Variants in SLC39A12 observed in about 807,000 individuals in gnomAD.
SLC39A12 encodes zinc transporter ZIP12.
In SLC39A12, 63 loss-of-function variants were observed where a neutral mutation model predicts 71.1. That is an observed-to-expected ratio of 0.89 (90% CI 0.72 to 1.09). SLC39A12 has a LOEUF of 1.09. Ranked by LOEUF, SLC39A12 falls within the 50% of genes least tolerant of loss-of-function variation. The pLI is 0.00. For missense variants in SLC39A12, 892 were observed against 812.6 expected (o/e 1.10, Z -1.19); for synonymous variants, 351 against 301.3 (o/e 1.16, Z -1.71).
At chr10:18,028,262 A>G (rs4747337) in intron 12 of SLC39A12, among the ~76,000 whole-genome samples, 9,053 of 152,272 alleles carry the variant, frequency 0.059, 403 homozygotes, top group East Asian at 0.21. Context: ...TTGTTTCTAT[A>G]TTTGAATTGC....
At position 18,042,756 on chromosome 10, in the gene SLC39A12, C is replaced by T. The variant is rs1307391139; in HGVS notation, c.1999C>T (p.Leu667=). The T allele has an allele frequency of 2.5e-6, 4 of 1,613,130 alleles. No individual in the cohort carries two copies. Among genetic ancestry groups the T allele is most frequent in the Non-Finnish European group, 3.4e-6 (4 of 1,179,696 alleles). The change falls in exon 13 of 13, where the codon CTG becomes TTG. Residue 667 remains leucine (L), a synonymous_variant. Coordinates refer to ENST00000377369, the MANE Select transcript of SLC39A12 (RefSeq NM_001145195.2). ...ACAACGACCCTGGATGATGTTTCTC[C>T]TGCAAAACTTTGGATTGATCCTAGG... is the stretch of plus-strand genomic sequence containing the variant. ...QTQRPWMMFL[L]QNFGLILGWL...
At chr10:17,973,721 G>A (rs1835034018) in intron 4 of SLC39A12, among the ~76,000 whole-genome samples, 1 of 151,944 alleles carries the variant, frequency 6.6e-6, no homozygotes, top group East Asian at 1.9e-4. Flanking sequence ...GTCGTCTTTG[G>A]GTCAAATCTG....
In SLC39A12 at chr10:18,042,815, G is replaced by C. The variant is rs374741256; in HGVS notation, c.2058G>C (p.Glu686Asp). The C allele has an allele frequency of 1.1e-5, 18 of 1,606,768 alleles. No individual in the cohort carries two copies. The highest frequency in any genetic ancestry group is 1.3e-5 in the Non-Finnish European group (15 of 1,177,414). The part of the protein sequence containing the change: ...WLSLLLLAIY[E>D]QNIKI ...CTCTCCTGCTCTTGGCTATATATGA[G>C]CAAAATATTAAAATATAAGTGAGGA... The change falls in exon 13 of 13, where the codon GAG becomes GAC. Residue 686 changes from glutamate to aspartate, a missense_variant. Physicochemically the swap from Glu to Asp is conservative, Grantham distance 45. Coordinates refer to ENST00000377369, the MANE Select transcript of SLC39A12 (RefSeq NM_001145195.2).
At chr10:18,035,017 G>A (rs1446873238) in intron 12 of SLC39A12, among the ~76,000 whole-genome samples, 9 of 149,312 alleles carry the variant, frequency 6.0e-5, no homozygotes, top group African/African-American at 1.7e-4. Context: ...CGAGAGATCC[G>A]CTGTTAGTCT....
intron 7 of SLC39A12, among the ~76,000 whole-genome samples, chr10:17,990,475 C>G (rs1742416658): frequency 6.6e-6 from 1 of 152,100 alleles, no homozygotes; most frequent in Non-Finnish European, 1.5e-5. Context: ...ATTGCCTTCT[C>G]TAAGAGAAGG....
At chr10:17,984,486 G>A (rs1347775702) in intron 6 of SLC39A12, among the ~76,000 whole-genome samples, 1 of 152,156 alleles carries the variant, frequency 6.6e-6, no homozygotes, top group Non-Finnish European at 1.5e-5. Flanking sequence ...TGGGACAGCT[G>A]TAAATTTTAT....
chr10:18,034,812 T>C (rs1228900445), intron 12 of SLC39A12, among the ~76,000 whole-genome samples: 1 of 149,496 alleles, frequency 6.7e-6, no homozygotes, highest in Non-Finnish European at 1.5e-5. Context: ...TGTTTAGCGC[T>C]TCCTTCAGGA....
At chr10:18,029,627 T>C (rs1264409838) in intron 12 of SLC39A12, among the ~76,000 whole-genome samples, 1 of 152,190 alleles carries the variant, frequency 6.6e-6, no homozygotes, top group African/African-American at 2.4e-5. Context: ...TTTATGTCAT[T>C]GTTAATATAC....
At chr10:17,957,236 C>A (rs1476093542) in intron 2 of SLC39A12, among the ~76,000 whole-genome samples, 1 of 152,126 alleles carries the variant, frequency 6.6e-6, no homozygotes, top group East Asian at 1.9e-4. Context: ...GAGGCTCTCA[C>A]CTGGCATAGA....
At chr10:17,955,929 TA>T (rs1398334038) in intron 2 of SLC39A12, among the ~76,000 whole-genome samples, 3 of 152,144 alleles carry the variant, frequency 2.0e-5, no homozygotes, top group African/African-American at 4.8e-5. Context: ...ATGAGAACCA[TA>T]ACCCTACACA....
At chr10:17,958,094 A>T (rs965078032) in intron 2 of SLC39A12, among the ~76,000 whole-genome samples, 4 of 152,158 alleles carry the variant, frequency 2.6e-5, no homozygotes, top group African/African-American at 9.7e-5. Flanking sequence ...ATGCCTACCC[A>T]CACGATTATA....
chr10:17,962,550 G>GTT (rs781934437), intron 3 of SLC39A12, among the ~76,000 whole-genome samples: 3 of 142,588 alleles, frequency 2.1e-5, no homozygotes, highest in Admixed American at 7.1e-5. Context: ...TAAGCCACGG[G>GTT]TTTTTTTTTT....
At chr10:17,958,894 T>G (rs1364771421) in intron 2 of SLC39A12, among the ~76,000 whole-genome samples, 1 of 152,140 alleles carries the variant, frequency 6.6e-6, no homozygotes, top group Non-Finnish European at 1.5e-5. Flanking sequence ...AGACATTTTG[T>G]TTTTCACACT....
At position 17,993,171 on chromosome 10, in the gene SLC39A12, C is replaced by T; in HGVS notation, c.1423-10C>T. ...GGCTTCAACACTAATTTTAAACCAT[C>T]CTCATCCAGCAGGGCCTGTCATTGG... On this transcript the variant is annotated splice_polypyrimidine_tract_variant and intron_variant, in intron 8 of 12. Coordinates refer to ENST00000377369, the MANE Select transcript of SLC39A12 (RefSeq NM_001145195.2). The T allele has an allele frequency of 6.5e-7, 1 of 1,542,342 alleles. No individual in the cohort carries two copies. Among genetic ancestry groups the T allele is most frequent in the Non-Finnish European group, 8.8e-7 (1 of 1,139,246 alleles).
chr10:18,036,780 A>ATTTTTTTTTT (rs1564665960), intron 12 of SLC39A12, among the ~76,000 whole-genome samples: 1 of 7,046 alleles, frequency 1.4e-4, no homozygotes, highest in African/African-American at 6.2e-4. Context: ...ATATATATAT[A>ATTTTTTTTTT]TATATATATA....
chr10:18,036,765 TATATATATATATATATATATATA>T (rs1374035057), intron 12 of SLC39A12, among the ~76,000 whole-genome samples: 23 of 15,414 alleles, frequency 1.5e-3, no homozygotes, highest in East Asian at 3.4e-3. Context: ...TATATATATA[TATATATATATATATATATATATA>T]TATATATTTT....
Position 18,031,327 on chromosome 10 carries a change from A to G in SLC39A12, c.1948-11378A>G, listed in dbSNP as rs1836842151. On this transcript the variant is annotated intron_variant, in intron 12 of 12. Coordinates refer to ENST00000377369, the MANE Select transcript of SLC39A12 (RefSeq NM_001145195.2). ...AGCACCTGTTGTTTCCTGACTGTTT[A>G]ATGATTGCCATTCTAACTGGTGTGA... Among the ~76,000 whole-genome samples, 3 of 144,732 alleles carry G rather than the reference A, an allele frequency of 2.1e-5. 1 individual carries two copies. In the South Asian group the frequency reaches 6.5e-4, roughly 31 times the overall value. 94.9% of individuals were successfully genotyped at this position (144,732 alleles called of 152,430 possible). A position where few individuals can be genotyped will look rare whatever the true frequency, so the allele number is the denominator to read the frequency against.
intron 12 of SLC39A12, among the ~76,000 whole-genome samples, chr10:18,036,011 A>G (rs551745785): frequency 1.3e-5 from 2 of 152,236 alleles, no homozygotes; most frequent in East Asian, 3.9e-4. Flanking sequence ...CGGTTCTCAG[A>G]TCTCCAGCTG....
chr10:18,010,506 C>T (rs1564656182), intron 12 of SLC39A12: 1 of 152,120 alleles, frequency 6.6e-6, no homozygotes, highest in Non-Finnish European at 1.5e-5. Context: ...TTAACAAAAG[C>T]AAGAAGGGTG....
Sources: gnomAD v4.1 joint callset for allele counts (sites outside exome capture counted in the v4.1 genomes callset) on GRCh38, gnomAD v4.1.1 for gene constraint, MANE v1.5 for transcripts, NCBI Gene and HGNC (gene_info 2026-07-23, HGNC 2026-07-21) for gene names.